OTUD7B: variants seen among roughly 807,000 people sequenced by gnomAD.
OTUD7B encodes the protein OTU domain-containing protein 7B.
Under a neutral mutation model 82.2 loss-of-function variants are expected in OTUD7B, and 34 were observed. The observed-to-expected ratio is 0.41, with a 90% CI of 0.31 to 0.55. The LOEUF is 0.55. OTUD7B is among the 20% of genes least tolerant of loss of function. The pLI, the probability that OTUD7B is intolerant of heterozygous loss-of-function variation, is 0.20. For missense variants in OTUD7B, 944 were observed against 1,062.1 expected (o/e 0.89, Z 1.55); for synonymous variants, 398 against 402.7 (o/e 0.99, Z 0.14).
At chr1:150,053,177 A>C in the OTUD7B span, among the ~76,000 whole-genome samples, 1 of 152,104 alleles carries the variant, frequency 6.6e-6, no homozygotes, top group Non-Finnish European at 1.5e-5. Context: ...AAAATTGACA[A>C]ATGGGATCTA....
chr1:149,948,376 CT>C (rs1170239992), intron 10 of OTUD7B, among the ~76,000 whole-genome samples: 15 of 142,262 alleles, frequency 1.1e-4, no homozygotes, highest in Non-Finnish European at 1.8e-4. Flanking sequence ...TTCTTTCTTT[CT>C]TTTTTTTTTT....
chr1:150,063,293 A>T, the OTUD7B span, among the ~76,000 whole-genome samples: 8 of 151,958 alleles, frequency 5.3e-5, no homozygotes, highest in Non-Finnish European at 1.2e-4. Context: ...CTGTACTAAA[A>T]ATACAAAAAT....
At chr1:149,976,535 C>T (rs1006382580) in intron 2 of OTUD7B, among the ~76,000 whole-genome samples, 1 of 136,976 alleles carries the variant, frequency 7.3e-6, no homozygotes, top group Non-Finnish European at 1.5e-5. Flanking sequence ...TGCATGAACC[C>T]GGGAGGAGGA....
the OTUD7B span, among the ~76,000 whole-genome samples, chr1:150,032,039 G>A: frequency 5.3e-5 from 8 of 152,034 alleles, no homozygotes; most frequent in Non-Finnish European, 5.9e-5. Flanking sequence ...GGCCAGGCAC[G>A]GTGGCTCATG....
At chr1:149,996,231 A>C (rs1553783357) in intron 1 of OTUD7B, among the ~76,000 whole-genome samples, 1 of 152,230 alleles carries the variant, frequency 6.6e-6, no homozygotes, top group Admixed American at 6.5e-5. Flanking sequence ...AGCAGGTCAC[A>C]CTGTCCAGTT....
chr1:150,028,715 G>C, the OTUD7B span, among the ~76,000 whole-genome samples: 1 of 152,132 alleles, frequency 6.6e-6, no homozygotes, highest in Non-Finnish European at 1.5e-5. Context: ...TTGTTGCCCA[G>C]GCTGGAGTGC....
In OTUD7B at chr1:149,959,816, G is replaced by A. The variant is rs1649006796; in HGVS notation, c.733-20C>T. ...CCCTGACTGTGTGAAGGACAGGCAGGGGACATTGGGCAATTAGAGGCTGGG... is the reference window on the plus strand; with the variant it reads ...CCCTGACTGTGTGAAGGACAGGCAGAGGACATTGGGCAATTAGAGGCTGGG... On this transcript the variant is annotated intron_variant, in intron 6 of 11. Coordinates refer to ENST00000581312, the MANE Select transcript of OTUD7B (RefSeq NM_020205.4). 2.0e-6 allele frequency: 3 copies of A among 1,529,624 alleles called. No individual in the cohort carries two copies. The highest frequency in any genetic ancestry group is 1.1e-5 in the South Asian group (1 of 89,356). 94.8% of individuals were successfully genotyped at this position (1,529,624 alleles called of 1,614,324 possible). A position where few individuals can be genotyped will look rare whatever the true frequency, so the allele number is the denominator to read the frequency against.
At chr1:150,056,384 G>A in the OTUD7B span, among the ~76,000 whole-genome samples, 9 of 152,088 alleles carry the variant, frequency 5.9e-5, no homozygotes, top group African/African-American at 2.2e-4. Context: ...AATTCTGGGA[G>A]GAGGCAAGCA....
At chr1:149,994,270 G>A (rs1369059381) in intron 1 of OTUD7B, among the ~76,000 whole-genome samples, 7 of 152,028 alleles carry the variant, frequency 4.6e-5, no homozygotes, top group African/African-American at 1.7e-4. Flanking sequence ...AATATCATAG[G>A]CAATTATCTC....
intron 7 of OTUD7B, among the ~76,000 whole-genome samples, chr1:149,957,012 G>T (rs1399096325): frequency 6.6e-6 from 1 of 152,214 alleles, no homozygotes; most frequent in South Asian, 2.1e-4. Flanking sequence ...TGTTATTACC[G>T]ATCGTCTGAA....
chr1:149,998,977 C>T (rs1275375855), intron 1 of OTUD7B, among the ~76,000 whole-genome samples: 1 of 152,034 alleles, frequency 6.6e-6, no homozygotes, highest in East Asian at 1.9e-4. Context: ...TGTATGTAAC[C>T]ATGTCCTATG....
At chr1:150,023,043 T>C in the OTUD7B span, among the ~76,000 whole-genome samples, 2 of 152,214 alleles carry the variant, frequency 1.3e-5, no homozygotes, top group African/African-American at 2.4e-5. Flanking sequence ...CTGGTATATG[T>C]TCTGAAAGCA....
upstream of OTUD7B, among the ~76,000 whole-genome samples, chr1:150,013,995 T>C (rs12144753): frequency 2.8e-3 from 354 of 127,098 alleles, 3 homozygotes; most frequent in African/African-American, 9.2e-3. Flanking sequence ...CACACATATA[T>C]ACACACATAT....
the OTUD7B span, among the ~76,000 whole-genome samples, chr1:150,046,410 C>T: frequency 6.6e-6 from 1 of 150,690 alleles, no homozygotes; most frequent in Non-Finnish European, 1.5e-5. Context: ...ACCCAGTAGC[C>T]AGACTGATCC....
chr1:150,026,418 G>A, the OTUD7B span, among the ~76,000 whole-genome samples: 1 of 152,112 alleles, frequency 6.6e-6, no homozygotes, highest in Non-Finnish European at 1.5e-5. Context: ...ATTCTTTGGA[G>A]AGAATGGTTC....
chr1:149,995,672 C>G (rs1553783200), intron 1 of OTUD7B, among the ~76,000 whole-genome samples: 1 of 152,036 alleles, frequency 6.6e-6, no homozygotes, highest in Admixed American at 6.6e-5. Context: ...CCTACTGGAA[C>G]TCAGCTACTC....
At chr1:149,970,725 T>G (rs587708737) in intron 3 of OTUD7B, among the ~76,000 whole-genome samples, 5 of 152,310 alleles carry the variant, frequency 3.3e-5, no homozygotes, top group African/African-American at 1.2e-4. Flanking sequence ...TTTTGATAGA[T>G]ATTGGCAAAT....
At chr1:149,973,858 A>ATTTT (rs1220689600) in intron 2 of OTUD7B, among the ~76,000 whole-genome samples, 3 of 132,778 alleles carry the variant, frequency 2.3e-5, no homozygotes, top group East Asian at 2.2e-4. Flanking sequence ...GCCCCTTCTA[A>ATTTT]TTTTTTTTTT....
At position 149,949,024 on chromosome 1, in the gene OTUD7B, G is replaced by T; in HGVS notation, c.1183C>A (p.Pro395Thr). 2 of 1,614,018 alleles carry T rather than the reference G, an allele frequency of 1.2e-6. No individual in the cohort carries two copies. Among genetic ancestry groups the T allele is most frequent in the Non-Finnish European group, 1.7e-6 (2 of 1,179,918 alleles). Residue 395 changes from proline (P) to threonine (T), a missense_variant, in exon 10 of 12, where the codon CCT (proline) becomes ACT (threonine). By Grantham distance (38) the Pro-to-Thr change is conservative (BLOSUM62 -1). Coordinates refer to ENST00000581312, the MANE Select transcript of OTUD7B (RefSeq NM_020205.4). ...KLLPLHFAVD[P>T]GKGWEWGKDD... ...TTGCCCCACTCCCAGCCCTTTCCAG[G>T]GTCCACAGCAAAGTGCAAGGGCAGC...
Sources: gnomAD v4.1 joint callset for allele counts (sites outside exome capture counted in the v4.1 genomes callset) on GRCh38, gnomAD v4.1.1 for gene constraint, MANE v1.5 for transcripts, NCBI Gene and HGNC (gene_info 2026-07-23, HGNC 2026-07-21) for gene names.